Variants in MTA3 observed in about 807,000 individuals in gnomAD.
MTA3 encodes metastasis-associated protein MTA3.
Under a neutral mutation model 83.5 loss-of-function variants are expected in MTA3, and 34 were observed. The ratio of observed to expected loss-of-function variants is 0.41; its 90% CI spans 0.31 to 0.54. MTA3 has a LOEUF of 0.54. Ranked by LOEUF, MTA3 falls within the 20% of genes least tolerant of loss-of-function variation. The probability of loss-of-function intolerance (pLI) is 0.33; values close to 1 mark genes in which losing one functional copy is unlikely to be tolerated. For synonymous variants in MTA3, 303 were observed against 252.7 expected, an observed-to-expected ratio of 1.20 and a Z score of -1.89; for missense variants, 761 against 726.4, an observed-to-expected ratio of 1.05 and a Z score of -0.55.
Position 42,507,454 on chromosome 2 carries a change from T to C in MTA3, c.-141+12200T>C, listed in dbSNP as rs370435305. Among the ~76,000 whole-genome samples, 17 of 151,930 alleles carry C rather than the reference T, an allele frequency of 1.1e-4. 1 individual carries two copies. In the East Asian group the frequency reaches 2.7e-3, roughly 24 times the overall value. On this transcript the variant is annotated intron_variant, in intron 2 of 17. Coordinates refer to the MTA3 transcript ENST00000405592. ...TGTTGGGATTACAGGCATGAGCCAC[T>C]GTGCCTGGCTGAGAATAAGATTTCT...
rs1682571007 is a variant in MTA3 at position 42,601,503 on chromosome 2, G to T, written c.191-7955G>T. 2.6e-5 allele frequency among the ~76,000 whole-genome samples: 4 copies of T among 152,290 alleles called. No individual in the cohort carries two copies. In the South Asian group the frequency reaches 8.3e-4, roughly 32 times the overall value. On this transcript the variant is annotated intron_variant, in intron 3 of 16. Coordinates refer to ENST00000405094, the MANE Select transcript of MTA3 (RefSeq NM_001330442.2). Reference sequence around the variant, plus strand: ...TTTGTTGTTGTTGTTTTGAGGCAGGGTCTCCGTCAAGTGACCCTCTCGCTG... The same window carrying T: ...TTTGTTGTTGTTGTTTTGAGGCAGGTTCTCCGTCAAGTGACCCTCTCGCTG...
intron 2 of MTA3, among the ~76,000 whole-genome samples, chr2:42,497,026 T>C (rs1247002082): frequency 6.6e-6 from 1 of 151,778 alleles, no homozygotes; most frequent in Non-Finnish European, 1.5e-5. Context: ...GCCAACATGG[T>C]GAAACCCGTT....
At chr2:42,612,832 G>T (rs1287844663) in intron 4 of MTA3, among the ~76,000 whole-genome samples, 3 of 152,080 alleles carry the variant, frequency 2.0e-5, no homozygotes, top group African/African-American at 7.2e-5. Flanking sequence ...CTGTACTCCA[G>T]CCTGGGCAAC....
chr2:42,605,729 C>T (rs1683234334), intron 3 of MTA3, among the ~76,000 whole-genome samples: 2 of 130,980 alleles, frequency 1.5e-5, no homozygotes, highest in South Asian at 2.5e-4. Flanking sequence ...CCCCCCACCT[C>T]CCTCCTGGAT....
At position 42,508,566 on chromosome 2, in the gene MTA3, C is replaced by G. The variant is rs554799529; in HGVS notation, c.-141+13312C>G. Among the ~76,000 whole-genome samples the G allele has an allele frequency of 7.9e-5, 12 of 151,854 alleles. No homozygotes were observed. The South Asian group carries it at 2.5e-3, about 32-fold the overall frequency. ...CAGGCTGGTCTCAAACTCTTGGCCT[C>G]AAGCAGTCCTCCCGCCTCAGGCTCC... On this transcript the variant is annotated intron_variant, in intron 2 of 17. Transcript: ENST00000405592.
chr2:42,623,620 T>C (rs1278831227), intron 4 of MTA3, among the ~76,000 whole-genome samples: 4 of 152,194 alleles, frequency 2.6e-5, no homozygotes, highest in African/African-American at 7.2e-5. Flanking sequence ...TTGTTTCCTT[T>C]TCACTGTTTG....
intron 2 of MTA3, among the ~76,000 whole-genome samples, chr2:42,516,219 G>A (rs1275662710): frequency 6.6e-6 from 1 of 152,068 alleles, no homozygotes; most frequent in Non-Finnish European, 1.5e-5. Flanking sequence ...CTGGCGCAGT[G>A]TTTATTTTAA....
intron 8 of MTA3, 33 bp from the exon 9 acceptor site, chr2:42,682,368 G>C (rs775050510): frequency 1.3e-6 from 2 of 1,488,386 alleles, no homozygotes; most frequent in Non-Finnish European, 9.1e-7. Flanking sequence ...TTGCATTTCT[G>C]GTTGATATTT....
At chr2:42,608,843 C>T (rs1396495567) in intron 3 of MTA3, among the ~76,000 whole-genome samples, 1 of 151,962 alleles carries the variant, frequency 6.6e-6, no homozygotes, top group African/African-American at 2.4e-5. Flanking sequence ...GAGATTACAC[C>T]ACTGCACTCC....
chr2:42,723,221 A>T, intron 16 of MTA3, 186 bp downstream of exon 16: 1 of 668,034 alleles, frequency 1.5e-6, no homozygotes, highest in Non-Finnish European at 2.4e-6. Flanking sequence ...TCTCCATCCC[A>T]TCAGGAGGTA....
intron 16 of MTA3, among the ~76,000 whole-genome samples, chr2:42,743,672 C>T (rs1573830871): frequency 6.6e-6 from 1 of 152,200 alleles, no homozygotes; most frequent in Non-Finnish European, 1.5e-5. Flanking sequence ...TCTGTAAGTA[C>T]AATATTATGA....
rs1323312162 is a variant in MTA3, at chr2:42,604,569, C to CT, written c.191-4885dup. The stretch of plus-strand genomic sequence containing the variant: ...CTTACTTGGTCTGCTCTGAATGTTT[C>CT]TTTTCTTTTTTTTTTTTTTTAATTT... On this transcript the variant is annotated intron_variant, in intron 3 of 16. Coordinates refer to ENST00000405094, the MANE Select transcript of MTA3 (RefSeq NM_001330442.2). Among the ~76,000 whole-genome samples the CT allele has an allele frequency of 8.4e-5, 4 of 47,472 alleles. 1 individual carries two copies. Among genetic ancestry groups the CT allele is most frequent in the Admixed American group, 2.4e-4 (1 of 4,244 alleles). The allele number at this position is 47,472 out of a possible 152,430, so 31.1% of individuals were successfully genotyped here.
intron 12 of MTA3, 79 bp from the exon 13 acceptor site, chr2:42,707,824 T>C (rs1167556993): frequency 2.2e-6 from 3 of 1,358,766 alleles, no homozygotes; most frequent in Non-Finnish European, 3.0e-6. Flanking sequence ...CAAGTATTTT[T>C]AAAATGTTTG....
chr2:42,689,665 G>T (rs949958395), intron 9 of MTA3, among the ~76,000 whole-genome samples: 16 of 151,848 alleles, frequency 1.1e-4, no homozygotes, highest in Non-Finnish European at 2.1e-4. Flanking sequence ...CTATTATAAA[G>T]ATGTTTATAA....
intron 8 of MTA3, among the ~76,000 whole-genome samples, chr2:42,677,114 A>G (rs1232211334): frequency 6.6e-6 from 1 of 152,196 alleles, no homozygotes; most frequent in Admixed American, 6.5e-5. Context: ...TAAGAGATCA[A>G]CAAGAATAAT....
intron 3 of MTA3, among the ~76,000 whole-genome samples, chr2:42,598,700 C>CCTTA (rs1415247124): frequency 6.6e-6 from 1 of 152,142 alleles, no homozygotes; most frequent in Admixed American, 6.6e-5. Context: ...CGTTGTTGAG[C>CCTTA]CTTAATTCAT....
chr2:42,720,951 C>CAAAAAAAAAAAAAAAAAAA (rs377702701), intron 15 of MTA3, among the ~76,000 whole-genome samples: 19 of 69,576 alleles, frequency 2.7e-4, no homozygotes, highest in Non-Finnish European at 3.6e-4. Context: ...GACCCTGTCT[C>CAAAAAAAAAAAAAAAAAAA]AAAAAAAAAA....
At chr2:42,609,280 C>T (rs779636923) in intron 3 of MTA3, among the ~76,000 whole-genome samples, 178 bp from the exon 4 acceptor site, 2 of 152,098 alleles carry the variant, frequency 1.3e-5, no homozygotes, top group Non-Finnish European at 2.9e-5. Flanking sequence ...ATCCACCTGC[C>T]TCAGCTTCCC....
At position 42,704,907 on chromosome 2, in the gene MTA3, T is replaced by G. The variant is rs557447031; in HGVS notation, c.1150+589T>G. On this transcript the variant is annotated intron_variant, in intron 12 of 16. Transcript: ENST00000405094. Reference sequence around the variant, plus strand: ...TGAACCGTTAGGTAGTTGATAGACTTTGTGTGTTTATTTTAAATCTCAAGC... The same window carrying G: ...TGAACCGTTAGGTAGTTGATAGACTGTGTGTGTTTATTTTAAATCTCAAGC... Among the ~76,000 whole-genome samples, 5 of 152,270 alleles carry G rather than the reference T, an allele frequency of 3.3e-5. No homozygotes were observed. In the South Asian group the frequency reaches 1.0e-3, roughly 32 times the overall value.
Sources: gnomAD v4.1 joint callset for allele counts (sites outside exome capture counted in the v4.1 genomes callset) on GRCh38, gnomAD v4.1.1 for gene constraint, MANE v1.5 for transcripts, NCBI Gene and HGNC (gene_info 2026-07-23, HGNC 2026-07-21) for gene names.